MYOCD: variants seen among roughly 807,000 people sequenced by gnomAD.
MYOCD encodes myocardin.
Under a neutral mutation model 96.1 loss-of-function variants are expected in MYOCD, and 32 were observed. The observed-to-expected ratio is 0.33, with a 90% CI of 0.25 to 0.45. MYOCD has a LOEUF of 0.45. Among genes scored for constraint, MYOCD ranks in the 20% least tolerant of loss-of-function variants. MYOCD has a pLI of 1.00. For synonymous variants in MYOCD, 469 were observed against 469.0 expected (o/e 1.00, Z 0.00); for missense variants, 1,133 against 1,200.6 (o/e 0.94, Z 0.83).
chr17:12,709,917 G>A (rs541061001), intron 2 of MYOCD, among the ~76,000 whole-genome samples: 5 of 152,012 alleles, frequency 3.3e-5, no homozygotes, highest in African/African-American at 7.3e-5. Flanking sequence ...TATTCCAACC[G>A]CTTCTGAAGA....
At chr17:12,684,989 G>A (rs74448135) in intron 1 of MYOCD, among the ~76,000 whole-genome samples, 1 of 151,414 alleles carries the variant, frequency 6.6e-6, no homozygotes, top group Non-Finnish European at 1.5e-5. Context: ...ATGTTTATTT[G>A]AGATTTAAGA....
intron 12 of MYOCD, among the ~76,000 whole-genome samples, chr17:12,758,512 T>G (rs894731298): frequency 6.6e-6 from 1 of 152,190 alleles, no homozygotes; most frequent in Non-Finnish European, 1.5e-5. Flanking sequence ...AGGGATAATA[T>G]TTACTTGGTA....
chr17:12,754,382 G>A lies in MYOCD; in HGVS notation c.2058+1036G>A, dbSNP rs147376427. On this transcript the variant is annotated intron_variant, in intron 10 of 13. Transcript: ENST00000425538. ...CTCCCAAAGTGCTGGGATTACAGGCGTGAGCCACCATGCCCAGCCGGAAAT... is the reference window on the plus strand; with the variant it reads ...CTCCCAAAGTGCTGGGATTACAGGCATGAGCCACCATGCCCAGCCGGAAAT... Among the ~76,000 whole-genome samples, 1,345 of 152,312 alleles carry A rather than the reference G, an allele frequency of 8.8e-3. 23 individuals carry two copies. The highest frequency in any genetic ancestry group is 0.03 in the African/African-American group (1,263 of 41,564).
rs138884229 is a variant in MYOCD, at chr17:12,749,605, A to C, written c.1126-2809A>C. ...AAAACCTATATATATGTGTGTATAT[A>C]TATACACATGTCTCAAAACCTATAT... On this transcript the variant is annotated intron_variant, in intron 9 of 13. Transcript: ENST00000425538. Among the ~76,000 whole-genome samples the C allele has an allele frequency of 4.8e-3, 716 of 147,764 alleles. 8 individuals carry two copies. The highest frequency in any genetic ancestry group is 0.015 in the African/African-American group (620 of 40,652).
intron 1 of MYOCD, among the ~76,000 whole-genome samples, chr17:12,697,463 T>C (rs1247738217): frequency 6.7e-6 from 1 of 148,886 alleles, no homozygotes; most frequent in Non-Finnish European, 1.5e-5. Flanking sequence ...CCTGGGTTCA[T>C]GCCATTCTCC....
chr17:12,722,417 G>A (rs2031865973), intron 4 of MYOCD, among the ~76,000 whole-genome samples: 1 of 152,144 alleles, frequency 6.6e-6, no homozygotes, highest in Admixed American at 6.5e-5. Flanking sequence ...GCATTGACTA[G>A]TCCAAAATCC....
chr17:12,705,289 A>G (rs549817559), intron 2 of MYOCD, 96 bp downstream of exon 2: 1 of 788,896 alleles, frequency 1.3e-6, no homozygotes, highest in East Asian at 2.7e-5. Flanking sequence ...AAGCCAATGC[A>G]TTGGTCTCCG....
At chr17:12,682,575 C>T (rs1038826901) in intron 1 of MYOCD, among the ~76,000 whole-genome samples, 11 of 152,166 alleles carry the variant, frequency 7.2e-5, no homozygotes, top group African/African-American at 2.2e-4. Flanking sequence ...GCCCTTTTCG[C>T]GGAGAGAGTT....
At chr17:12,724,708 T>C (rs2031945235) in intron 5 of MYOCD, among the ~76,000 whole-genome samples, 1 of 152,132 alleles carries the variant, frequency 6.6e-6, no homozygotes, top group African/African-American at 2.4e-5. Flanking sequence ...ATCCTTAGTA[T>C]GTCTGAAACT....
At chr17:12,668,803 T>C (rs758717924) in intron 1 of MYOCD, among the ~76,000 whole-genome samples, 2 of 152,146 alleles carry the variant, frequency 1.3e-5, no homozygotes, top group Non-Finnish European at 2.9e-5. Flanking sequence ...ATTGTGAGAA[T>C]TAAATGTGAA....
At chr17:12,737,509 G>A (rs997546319) in intron 6 of MYOCD, among the ~76,000 whole-genome samples, 3 of 152,132 alleles carry the variant, frequency 2.0e-5, no homozygotes, top group Non-Finnish European at 2.9e-5. Flanking sequence ...CCAGCCAGAG[G>A]TATGGAGCCC....
At chr17:12,749,302 C>T (rs1172326396) in intron 9 of MYOCD, among the ~76,000 whole-genome samples, 3 of 151,898 alleles carry the variant, frequency 2.0e-5, no homozygotes, top group African/African-American at 7.3e-5. Context: ...CCAAGGTGGG[C>T]GGATCGCTTG....
intron 7 of MYOCD, among the ~76,000 whole-genome samples, chr17:12,743,876 G>A (rs1417129852): frequency 6.6e-6 from 1 of 152,146 alleles, no homozygotes; most frequent in Non-Finnish European, 1.5e-5. Context: ...TAGGTTAGGA[G>A]AATGCACTCA....
At chr17:12,755,485 C>A (rs938054839) in intron 10 of MYOCD, among the ~76,000 whole-genome samples, 5 of 152,022 alleles carry the variant, frequency 3.3e-5, no homozygotes, top group Non-Finnish European at 7.4e-5. Flanking sequence ...TGGCTCATGC[C>A]TGTAATCCCA....
chr17:12,689,707 T>C (rs1364626513), intron 1 of MYOCD, among the ~76,000 whole-genome samples: 2 of 152,088 alleles, frequency 1.3e-5, no homozygotes, highest in East Asian at 3.9e-4. Context: ...GGCAGGCAAC[T>C]GTAATCCCAG....
intron 9 of MYOCD, among the ~76,000 whole-genome samples, chr17:12,748,342 G>A (rs1164506452): frequency 4.6e-5 from 7 of 152,052 alleles, no homozygotes; most frequent in Non-Finnish European, 1.0e-4. Flanking sequence ...CAGAGATAGA[G>A]ACCAAATTAT....
intron 2 of MYOCD, among the ~76,000 whole-genome samples, chr17:12,714,323 G>GCGCACACACACACACA (rs5819379): frequency 7.4e-6 from 1 of 136,052 alleles, no homozygotes; most frequent in African/African-American, 2.7e-5. Flanking sequence ...TGAGGCACGT[G>GCGCACACACACACACA]CACACACACA....
intron 11 of MYOCD, among the ~76,000 whole-genome samples, chr17:12,757,206 A>G (rs998671331): frequency 6.6e-6 from 1 of 152,144 alleles, no homozygotes; most frequent in Non-Finnish European, 1.5e-5. Context: ...GGAAGAAGTC[A>G]GGGGTATGAA....
At chr17:12,687,201 C>T (rs1329121255) in intron 1 of MYOCD, among the ~76,000 whole-genome samples, 1 of 151,824 alleles carries the variant, frequency 6.6e-6, no homozygotes, top group Non-Finnish European at 1.5e-5. Context: ...AGCTAAAAAA[C>T]ACTACACTTT....
Sources: gnomAD v4.1 joint callset for allele counts (sites outside exome capture counted in the v4.1 genomes callset) on GRCh38, gnomAD v4.1.1 for gene constraint, MANE v1.5 for transcripts, NCBI Gene and HGNC (gene_info 2026-07-23, HGNC 2026-07-21) for gene names.